Variants in RPTOR observed in about 807,000 individuals in gnomAD.
RPTOR encodes the protein regulatory-associated protein of mTOR.
In RPTOR, 21 loss-of-function variants were observed where a neutral mutation model predicts 169.9. The observed-to-expected ratio is 0.12, with a 90% CI of 0.09 to 0.18. RPTOR has a LOEUF of 0.18. RPTOR is among the 10% of genes least tolerant of loss of function. The pLI is 1.00. For synonymous variants in RPTOR, 732 were observed against 753.2 expected (o/e 0.97, Z 0.46); for missense variants, 1,133 against 1,855.9 (o/e 0.61, Z 7.16).
chr17:80,929,028 C>T (rs1162225165), intron 24 of RPTOR, among the ~76,000 whole-genome samples: 1 of 152,190 alleles, frequency 6.6e-6, no homozygotes, highest in African/African-American at 2.4e-5. Flanking sequence ...TTAAAAACCA[C>T]TAATATACAT....
At chr17:80,725,682 T>C (rs1417822762) in intron 4 of RPTOR, among the ~76,000 whole-genome samples, 2 of 152,172 alleles carry the variant, frequency 1.3e-5, no homozygotes, top group African/African-American at 2.4e-5. Context: ...GGGCCATAAT[T>C]CTGGCCTGGA....
intron 1 of RPTOR, among the ~76,000 whole-genome samples, chr17:80,585,065 A>G (rs1050754630): frequency 6.6e-6 from 1 of 152,210 alleles, no homozygotes; most frequent in African/African-American, 2.4e-5. Context: ...GAATAGCTGT[A>G]GAAAGCTAGG....
intron 13 of RPTOR, among the ~76,000 whole-genome samples, chr17:80,869,588 G>C (rs1357849027): frequency 6.6e-6 from 1 of 152,234 alleles, no homozygotes; most frequent in Non-Finnish European, 1.5e-5. Context: ...ACAGAGGACA[G>C]TTGTGAACAA....
At chr17:80,639,039 A>G (rs986641664) in intron 2 of RPTOR, among the ~76,000 whole-genome samples, 1 of 152,224 alleles carries the variant, frequency 6.6e-6, no homozygotes, top group Non-Finnish European at 1.5e-5. Context: ...GAGCTGAGGA[A>G]GATCACACGC....
intron 11 of RPTOR, among the ~76,000 whole-genome samples, chr17:80,852,665 C>G (rs1184626151): frequency 1.3e-5 from 2 of 152,126 alleles, no homozygotes; most frequent in Non-Finnish European, 2.9e-5. Context: ...CCATCTGCCC[C>G]TCCAGCCTGG....
chr17:80,724,824 C>A (rs2066317271), intron 4 of RPTOR, among the ~76,000 whole-genome samples: 1 of 152,194 alleles, frequency 6.6e-6, no homozygotes, highest in East Asian at 1.9e-4. Flanking sequence ...AAGCCGCCCC[C>A]ACGACACTTG....
At chr17:80,789,728 A>G (rs75852566) in intron 6 of RPTOR, among the ~76,000 whole-genome samples, 1 of 152,336 alleles carries the variant, frequency 6.6e-6, no homozygotes, top group African/African-American at 2.4e-5. Context: ...CCCTTGGGAA[A>G]AGCCAGATGA....
chr17:80,731,963 G>A (rs1246656946), intron 5 of RPTOR, among the ~76,000 whole-genome samples: 2 of 152,110 alleles, frequency 1.3e-5, no homozygotes, highest in Non-Finnish European at 1.5e-5. Flanking sequence ...CCATGAAAAA[G>A]GATCCACATG....
chr17:80,706,141 G>A (rs755351290), intron 3 of RPTOR, among the ~76,000 whole-genome samples: 4 of 152,098 alleles, frequency 2.6e-5, no homozygotes, highest in Admixed American at 6.5e-5. Context: ...CCCACCCAGA[G>A]GCAAACCCTT....
At position 80,726,001 on chromosome 17, in the gene RPTOR, GGTGGCTGGGT is replaced by G. The variant is rs892675418; in HGVS notation, c.508-4557_508-4548del. Among the ~76,000 whole-genome samples the G allele has an allele frequency of 4.6e-5, 7 of 152,196 alleles. No individual in the cohort carries two copies. Among genetic ancestry groups the G allele is most frequent in the African/African-American group, 9.7e-5 (4 of 41,440 alleles). ...GGAGATTGTCACATCTAGGTGTGGG[GGTGGCTGGGT>G]GGTGCTGCGGAAGATTGTGTGGTGC... is the stretch of plus-strand genomic sequence containing the variant. On this transcript the variant is annotated intron_variant, in intron 4 of 33. Transcript: ENST00000306801. This position sits in a 1 kb window ranked among gnomAD's most constrained non-coding sequence, Gnocchi z 4.5.
chr17:80,924,064 G>T (rs1424854331), intron 23 of RPTOR: 4 of 270,136 alleles, frequency 1.5e-5, no homozygotes, highest in African/African-American at 8.8e-5. Flanking sequence ...TCCGCTTGGG[G>T]GCAGCTGCAC....
At chr17:80,937,449 G>T (rs2068968394) in intron 24 of RPTOR, among the ~76,000 whole-genome samples, 2 of 152,212 alleles carry the variant, frequency 1.3e-5, no homozygotes, top group South Asian at 2.1e-4. Flanking sequence ...TTATTCCTGA[G>T]CCCCAGGTTT....
At chr17:80,836,658 G>A (rs1361687449) in intron 9 of RPTOR, among the ~76,000 whole-genome samples, 1 of 152,194 alleles carries the variant, frequency 6.6e-6, no homozygotes, top group African/African-American at 2.4e-5. Flanking sequence ...AAGGCTTAGG[G>A]GGGCTGTGTT....
At chr17:80,819,868 C>A (rs1410357822) in intron 7 of RPTOR, among the ~76,000 whole-genome samples, 1 of 152,186 alleles carries the variant, frequency 6.6e-6, no homozygotes, top group Non-Finnish European at 1.5e-5. Flanking sequence ...ACTTCCCAGG[C>A]TGGCAGTGCT....
chr17:80,641,125 G>A (rs1029844514), intron 2 of RPTOR, among the ~76,000 whole-genome samples: 1 of 152,172 alleles, frequency 6.6e-6, no homozygotes, highest in African/African-American at 2.4e-5. Context: ...CCTATCTTGT[G>A]GGTCTGATCA....
intron 1 of RPTOR, among the ~76,000 whole-genome samples, chr17:80,620,126 A>C (rs2065343935): frequency 6.6e-6 from 1 of 152,194 alleles, no homozygotes; most frequent in East Asian, 1.9e-4. Context: ...ACTGTTCAGG[A>C]GGGATTGAAA....
chr17:80,706,393 TGCCC>T (rs1432833466), intron 3 of RPTOR, among the ~76,000 whole-genome samples: 1 of 152,062 alleles, frequency 6.6e-6, no homozygotes, highest in Non-Finnish European at 1.5e-5. Flanking sequence ...GACCCACCTG[TGCCC>T]GTTTTCCAGC....
intron 1 of RPTOR, among the ~76,000 whole-genome samples, chr17:80,592,295 C>G (rs764690810): frequency 1.3e-5 from 2 of 152,158 alleles, no homozygotes; most frequent in Admixed American, 6.5e-5. Flanking sequence ...CTCAGGTGTG[C>G]TAGAGATCCG....
intron 1 of RPTOR, among the ~76,000 whole-genome samples, chr17:80,559,826 G>C (rs4297763): frequency 0.35 from 52,928 of 152,078 alleles, 10,078 homozygotes; most frequent in African/African-American, 0.47. Context: ...AATGGCTAAC[G>C]CTGGCCACTT....
Sources: gnomAD v4.1 joint callset for allele counts (sites outside exome capture counted in the v4.1 genomes callset) on GRCh38, gnomAD v4.1.1 for gene constraint, Gnocchi (gnomAD v3.1) non-coding constraint, MANE v1.5 for transcripts, NCBI Gene and HGNC (gene_info 2026-07-23, HGNC 2026-07-21) for gene names.